Variants in CNTNAP2 observed in about 807,000 individuals in gnomAD.
The protein encoded by CNTNAP2 is contactin-associated protein-like 2.
Under a neutral mutation model 155.2 loss-of-function variants are expected in CNTNAP2, and 98 were observed. That is an observed-to-expected ratio of 0.63 (90% CI 0.54 to 0.75). The LOEUF is 0.75. CNTNAP2 is among the 30% of genes least tolerant of loss of function. The pLI is 0.00. For missense variants in CNTNAP2, 1,727 were observed against 1,688.1 expected, an observed-to-expected ratio of 1.02 and a Z score of -0.40; for synonymous variants, 651 against 631.2, an observed-to-expected ratio of 1.03 and a Z score of -0.47.
chr7:148,177,723 T>G (rs1403157724), intron 18 of CNTNAP2, among the ~76,000 whole-genome samples: 1 of 152,176 alleles, frequency 6.6e-6, no homozygotes, highest in Non-Finnish European at 1.5e-5. Flanking sequence ...TGCCCCAAGG[T>G]TCACATATTA....
At chr7:148,394,353 C>T (rs1469886352) in intron 22 of CNTNAP2, among the ~76,000 whole-genome samples, 3 of 152,186 alleles carry the variant, frequency 2.0e-5, no homozygotes, top group Admixed American at 6.5e-5. Context: ...TGGTCTATTA[C>T]ATTGATATGA....
intron 15 of CNTNAP2, among the ~76,000 whole-genome samples, chr7:148,072,897 GGGGTTTT>G (rs1210526906): frequency 1.3e-5 from 2 of 152,114 alleles, no homozygotes; most frequent in Non-Finnish European, 2.9e-5. Context: ...TAGTAGAGAT[GGGGTTTT>G]GCCATATTGG....
intron 1 of CNTNAP2, among the ~76,000 whole-genome samples, chr7:146,198,984 T>A (rs1798817939): frequency 6.6e-6 from 1 of 152,218 alleles, no homozygotes; most frequent in African/African-American, 2.4e-5. Flanking sequence ...ATTCATTTAG[T>A]CAACACAACC....
intron 21 of CNTNAP2, among the ~76,000 whole-genome samples, chr7:148,319,364 T>C (rs548749847): frequency 2.0e-5 from 3 of 152,344 alleles, no homozygotes; most frequent in African/African-American, 7.2e-5. Flanking sequence ...GAAATTTTTA[T>C]AATTTTTCAA....
At chr7:146,554,902 C>A (rs150726005) in intron 1 of CNTNAP2, among the ~76,000 whole-genome samples, 12 of 152,346 alleles carry the variant, frequency 7.9e-5, no homozygotes, top group African/African-American at 2.9e-4. Flanking sequence ...CCATAAGTTG[C>A]ATTTCACCTC....
chr7:146,721,580 C>CATTCTATATATAT (rs1801318270), intron 1 of CNTNAP2, among the ~76,000 whole-genome samples: 1 of 90,520 alleles, frequency 1.1e-5, no homozygotes, highest in Non-Finnish European at 2.0e-5. Flanking sequence ...ATTCTATATA[C>CATTCTATATATAT]ATTCTATATA....
intron 1 of CNTNAP2, among the ~76,000 whole-genome samples, chr7:146,743,253 G>A (rs570169676): frequency 1.3e-5 from 2 of 152,224 alleles, no homozygotes; most frequent in East Asian, 3.9e-4. Context: ...GAGTCCATAG[G>A]AGGTACAAAC....
At chr7:148,209,271 C>A (rs561099670) in intron 18 of CNTNAP2, among the ~76,000 whole-genome samples, 1 of 151,366 alleles carries the variant, frequency 6.6e-6, no homozygotes, top group South Asian at 2.1e-4. Context: ...CTTGTGCCAC[C>A]ACACCGGCTA....
chr7:146,383,918 G>T (rs899900832), intron 1 of CNTNAP2, among the ~76,000 whole-genome samples: 4 of 152,114 alleles, frequency 2.6e-5, no homozygotes, highest in African/African-American at 9.7e-5. Context: ...AGCATAATAA[G>T]TATCAATGAA....
At chr7:147,245,170 C>G (rs964405700) in intron 8 of CNTNAP2, among the ~76,000 whole-genome samples, 3 of 151,980 alleles carry the variant, frequency 2.0e-5, no homozygotes, top group Non-Finnish European at 4.4e-5. Flanking sequence ...TTTGCCCTTG[C>G]TGGCCCTCAG....
At chr7:146,300,959 C>T (rs1800597853) in intron 1 of CNTNAP2, among the ~76,000 whole-genome samples, 1 of 151,960 alleles carries the variant, frequency 6.6e-6, no homozygotes, top group Admixed American at 6.6e-5. Context: ...TATTTAAGTG[C>T]TGAGGGTGGA....
At chr7:146,324,777 T>TTATATATATATA (rs149639520) in intron 1 of CNTNAP2, among the ~76,000 whole-genome samples, 7 of 150,554 alleles carry the variant, frequency 4.6e-5, no homozygotes, top group East Asian at 1.9e-4. Context: ...GGAAGAGTAA[T>TTATATATATATA]TATATATATA....
At chr7:147,787,153 G>A (rs557177269) in intron 13 of CNTNAP2, among the ~76,000 whole-genome samples, 25 of 152,286 alleles carry the variant, frequency 1.6e-4, no homozygotes, top group South Asian at 1.5e-3. Flanking sequence ...GCAGGTGTGC[G>A]CTTTCACTTC....
intron 3 of CNTNAP2, among the ~76,000 whole-genome samples, chr7:146,940,243 G>C (rs540679817): frequency 6.6e-6 from 1 of 151,696 alleles, no homozygotes; most frequent in Non-Finnish European, 1.5e-5. Flanking sequence ...GTCTTGCTCT[G>C]TCGCCAGGCT....
intron 1 of CNTNAP2, among the ~76,000 whole-genome samples, chr7:146,286,206 T>G (rs1800334497): frequency 1.3e-5 from 2 of 151,208 alleles, no homozygotes; most frequent in Admixed American, 1.3e-4. Context: ...AATCCCTAAC[T>G]AACTTTGTCA....
chr7:147,334,889 G>A (rs1795639497), intron 9 of CNTNAP2, among the ~76,000 whole-genome samples: 1 of 152,166 alleles, frequency 6.6e-6, no homozygotes. Flanking sequence ...CTCCCTTACT[G>A]TGGGTCTTAT....
At chr7:147,200,533 C>A (rs1802901384) in intron 8 of CNTNAP2, among the ~76,000 whole-genome samples, 1 of 152,188 alleles carries the variant, frequency 6.6e-6, no homozygotes, top group African/African-American at 2.4e-5. Flanking sequence ...GCCCAACATA[C>A]ACCCCAGAGG....
chr7:146,662,286 C>T (rs1171763353), intron 1 of CNTNAP2, among the ~76,000 whole-genome samples: 4 of 152,032 alleles, frequency 2.6e-5, no homozygotes, highest in African/African-American at 4.8e-5. Flanking sequence ...TATAGGCGCC[C>T]GCCACCACGC....
At chr7:146,306,161 T>C (rs1277100129) in intron 1 of CNTNAP2, among the ~76,000 whole-genome samples, 6 of 152,072 alleles carry the variant, frequency 3.9e-5, no homozygotes, top group Non-Finnish European at 5.9e-5. Flanking sequence ...AATGGATAAA[T>C]TCCTGCACAC....
Sources: allele counts gnomAD v4.1 joint callset (sites outside exome capture counted in the v4.1 genomes callset), GRCh38; gene constraint gnomAD v4.1.1; transcripts MANE v1.5; gene names NCBI Gene and HGNC (gene_info 2026-07-23, HGNC 2026-07-21).